The following THTPA variants were observed in gnomAD, a reference collection of about 807,000 sequenced individuals.
THTPA encodes thiamine triphosphatase.
Under a neutral mutation model 16.5 loss-of-function variants are expected in THTPA, and 16 were observed. That is an observed-to-expected ratio of 0.97 (90% CI 0.66 to 1.47). The LOEUF is 1.47. THTPA is among the 40% of genes most tolerant of loss of function. The probability of loss-of-function intolerance (pLI) is 0.00; values close to 1 mark genes in which losing one functional copy is unlikely to be tolerated. For missense variants in THTPA, 281 were observed against 280.9 expected (o/e 1.00, Z 0.00); for synonymous variants, 110 against 115.5 (o/e 0.95, Z 0.30).
At chr14:23,515,223 G>A in the THTPA span, among the ~76,000 whole-genome samples, 13 of 152,322 alleles carry the variant, frequency 8.5e-5, no homozygotes, top group African/African-American at 3.1e-4. Context: ...CTTGGGTGAT[G>A]GGGTGGTTTG....
At position 23,556,785 on chromosome 14, in the gene THTPA, C is replaced by A. The variant is rs764709685; in HGVS notation, c.28C>A (p.Arg10=). 1.9e-6 allele frequency: 3 copies of A among 1,613,404 alleles called. No individual in the cohort carries two copies. Among genetic ancestry groups the A allele is most frequent in the Non-Finnish European group, 2.5e-6 (3 of 1,179,704 alleles). MAQGLIEVE[R]KFLPGPGTEE... Reference sequence around the variant, plus strand: ...GGCCCAGGGCTTGATTGAGGTGGAGCGAAAGTTCCTTCCAGGGCCTGGCAC... The same window carrying A: ...GGCCCAGGGCTTGATTGAGGTGGAGAGAAAGTTCCTTCCAGGGCCTGGCAC... The change falls in exon 1 of 2, where the codon CGA becomes AGA. Residue 10 remains arginine (R), a synonymous_variant. Coordinates refer to ENST00000288014, the MANE Select transcript of THTPA (RefSeq NM_024328.6).
chr14:23,524,637 G>A, the THTPA span: 3 of 1,536,430 alleles, frequency 2.0e-6, no homozygotes, highest in Non-Finnish European at 2.6e-6. The surrounding 1 kb of genome is among the most constrained non-coding windows in gnomAD (Gnocchi z 5.6). Flanking sequence ...TCACAGGTAT[G>A]GGCTGGGGAA....
chr14:23,521,265 G>C, the THTPA span: 3 of 152,468 alleles, frequency 2.0e-5, no homozygotes, highest in Non-Finnish European at 4.4e-5. Context: ...TTAGGAGGGA[G>C]AGGGTAGGAA....
At chr14:23,548,428 C>T in the THTPA span, 1 of 152,136 alleles carries the variant, frequency 6.6e-6, no homozygotes, top group Non-Finnish European at 1.5e-5. Context: ...TACAGCACCC[C>T]GGCAAAGCAG....
the THTPA span, chr14:23,528,728 A>G: frequency 1.0e-6 from 1 of 985,314 alleles, no homozygotes; most frequent in African/African-American, 1.7e-5. Flanking sequence ...ATGTGAATAA[A>G]CACCACAGCT....
upstream of THTPA, chr14:23,551,731 A>C (rs1050494954): frequency 8.5e-5 from 13 of 152,296 alleles, no homozygotes; most frequent in Admixed American, 7.3e-4. The surrounding 1 kb of genome is among the most constrained non-coding windows in gnomAD (Gnocchi z 5.3). Flanking sequence ...CGCCTCATTC[A>C]CTGGCTGGAG....
chr14:23,530,625 A>G, the THTPA span: 1 of 358,518 alleles, frequency 2.8e-6, no homozygotes, highest in South Asian at 2.2e-5. Flanking sequence ...AGAGGAGATT[A>G]CCGCTCAAGT....
the THTPA span, chr14:23,524,211 G>A: frequency 1.3e-6 from 2 of 1,536,410 alleles, no homozygotes; most frequent in African/African-American, 1.4e-5. The surrounding 1 kb of genome is among the most constrained non-coding windows in gnomAD (Gnocchi z 5.6). Context: ...TTCCTCTCCC[G>A]GGCCCTGGTA....
the THTPA span, chr14:23,533,801 G>A: frequency 1.6e-5 from 25 of 1,546,902 alleles, no homozygotes; most frequent in Admixed American, 3.3e-4. The surrounding 1 kb of genome is among the most constrained non-coding windows in gnomAD (Gnocchi z 4.8). Context: ...ACGTCACAGC[G>A]GTAGGGTTTG....
upstream of THTPA, among the ~76,000 whole-genome samples, chr14:23,555,557 T>A (rs1178594600): frequency 1.3e-5 from 2 of 152,166 alleles, no homozygotes; most frequent in Non-Finnish European, 2.9e-5. Context: ...TACCACTTTA[T>A]TCTCTGACAG....
chr14:23,519,227 A>G, the THTPA span, among the ~76,000 whole-genome samples: 1 of 152,116 alleles, frequency 6.6e-6, no homozygotes, highest in African/African-American at 2.4e-5. Flanking sequence ...GTTGGCTGAA[A>G]TCCTTAAGAT....
chr14:23,541,475 CAG>C, the THTPA span, among the ~76,000 whole-genome samples: 2 of 151,952 alleles, frequency 1.3e-5, no homozygotes, highest in Non-Finnish European at 2.9e-5. Flanking sequence ...TTAGTACAGA[CAG>C]AGCTTCTCCA....
the THTPA span, chr14:23,530,718 C>T: frequency 1.9e-5 from 6 of 311,006 alleles, no homozygotes; most frequent in East Asian, 9.6e-5. Context: ...TTCAGCCCTG[C>T]GCCAGGATCG....
the THTPA span, among the ~76,000 whole-genome samples, chr14:23,536,228 A>G: frequency 6.6e-6 from 1 of 152,322 alleles, no homozygotes; most frequent in East Asian, 1.9e-4. Context: ...AGCAGCCAGA[A>G]TGGGGGCTTT....
chr14:23,556,921 G>C lies in THTPA; in HGVS notation c.164G>C (p.Arg55Pro), dbSNP rs757326621. ...CTCATGCAGGCTGACCACTGGCTGC[G>C]ACGACGAGAGGATAGTGGATGGGAG... ...LSLMQADHWL[R>P]RREDSGWELK... Residue 55 changes from arginine (R) to proline (P), a missense_variant, in exon 1 of 2, where the codon CGA (arginine) becomes CCA (proline). By Grantham distance (103) the Arg-to-Pro change is moderately radical. Coordinates refer to ENST00000288014, the MANE Select transcript of THTPA (RefSeq NM_024328.6). 13 of 1,614,116 alleles carry C rather than the reference G, an allele frequency of 8.1e-6. No homozygotes were observed. The highest frequency in any genetic ancestry group is 1.7e-5 in the Admixed American group (1 of 60,014).
chr14:23,534,222 G>A, the THTPA span: 21 of 1,509,684 alleles, frequency 1.4e-5, no homozygotes, highest in South Asian at 3.8e-5. This position sits in a 1 kb window ranked among gnomAD's most constrained non-coding sequence, Gnocchi z 4.5. Context: ...GCCCTGCCTC[G>A]CCTGCTGCTA....
rs757144945 is a variant in THTPA at position 23,560,000 on chromosome 14, T to G, written c.*1160T>G. 1.3e-5 allele frequency: 21 copies of G among 1,611,898 alleles called. No homozygotes were observed. Among genetic ancestry groups the G allele is most frequent in the Non-Finnish European group, 1.7e-5 (20 of 1,178,786 alleles). On this transcript the variant is annotated 3_prime_UTR_variant, in exon 2 of 2. Coordinates refer to ENST00000288014, the MANE Select transcript of THTPA (RefSeq NM_024328.6). ...GGAAGGCCACCCCGAGCTGGAACTGTGTTCCCACTGGGGGCCTGCAGCTGC... is the reference window on the plus strand; with the variant it reads ...GGAAGGCCACCCCGAGCTGGAACTGGGTTCCCACTGGGGGCCTGCAGCTGC...
At position 23,556,988 on chromosome 14, in the gene THTPA, G is replaced by A. The variant is rs1380695710; in HGVS notation, c.231G>A (p.Thr77=). The change falls in exon 1 of 2, where the codon ACG becomes ACA. Residue 77 remains threonine (T), a synonymous_variant. Transcript: ENST00000288014. ...PGAAGVLGPH[T]EYKELTAEPT... ...CAGCAGGTGTCTTAGGACCCCACAC[G>A]GAGTATAAGGAACTCACAGCGGAAC... 6.2e-7 allele frequency: 1 copy of A among 1,614,202 alleles called. No homozygotes were observed. Among genetic ancestry groups the A allele is most frequent in the South Asian group, 1.1e-5 (1 of 91,078 alleles).
the THTPA span, among the ~76,000 whole-genome samples, chr14:23,516,932 A>ATTGT: frequency 2.0e-4 from 30 of 152,264 alleles, no homozygotes; most frequent in East Asian, 5.6e-3. Context: ...TGTCTTAGCC[A>ATTGT]TTGTTTGTGT....
Sources: gnomAD v4.1 joint callset for allele counts (sites outside exome capture counted in the v4.1 genomes callset) on GRCh38, gnomAD v4.1.1 for gene constraint, Gnocchi (gnomAD v3.1) non-coding constraint, MANE v1.5 for transcripts, NCBI Gene and HGNC (gene_info 2026-07-23, HGNC 2026-07-21) for gene names.